Variants in PDE11A observed in about 807,000 individuals in gnomAD.
PDE11A encodes the protein dual 3',5'-cyclic-AMP and -GMP phosphodiesterase 11A.
PDE11A carries 100 observed loss-of-function variants against 100.5 expected under a neutral mutation model. The ratio of observed to expected loss-of-function variants is 1.00; its 90% CI spans 0.85 to 1.18. The LOEUF (loss-of-function observed/expected upper bound fraction) is 1.18, where lower values mean the gene tolerates loss of function less well. Ranked by LOEUF, PDE11A falls within the 50% of genes most tolerant of loss-of-function variation. The probability of loss-of-function intolerance (pLI) is 0.00; values close to 1 mark genes in which losing one functional copy is unlikely to be tolerated. For synonymous variants in PDE11A, 381 were observed against 420.8 expected (o/e 0.91, Z 1.16); for missense variants, 1,141 against 1,152.6 (o/e 0.99, Z 0.15).
chr2:177,652,174 T>A (rs2080320859), intron 19 of PDE11A, among the ~76,000 whole-genome samples: 1 of 152,222 alleles, frequency 6.6e-6, no homozygotes, highest in Admixed American at 6.5e-5. Context: ...GTTGGTAGAT[T>A]CAGCTGTGCT....
intron 2 of PDE11A, among the ~76,000 whole-genome samples, chr2:177,937,803 C>T (rs1273732354): frequency 6.6e-6 from 1 of 152,120 alleles, no homozygotes; most frequent in African/African-American, 2.4e-5. Flanking sequence ...TCATCTGTCA[C>T]TCAATACAAG....
intron 2 of PDE11A, among the ~76,000 whole-genome samples, chr2:177,939,287 T>G (rs1007977197): frequency 1.4e-5 from 2 of 141,198 alleles, no homozygotes; most frequent in Non-Finnish European, 3.1e-5. Context: ...CTACAACTAA[T>G]AAAGCCATAT....
At chr2:177,647,325 A>G (rs2080236705) in intron 19 of PDE11A, among the ~76,000 whole-genome samples, 1 of 152,232 alleles carries the variant, frequency 6.6e-6, no homozygotes. Context: ...AGGATTTCCT[A>G]AAATAATGGA....
chr2:177,861,743 G>C (rs150058186), intron 5 of PDE11A, among the ~76,000 whole-genome samples: 15 of 152,062 alleles, frequency 9.9e-5, no homozygotes, highest in African/African-American at 3.4e-4. Context: ...ATGGAGTAGA[G>C]TTGAGAGTCT....
intron 2 of PDE11A, among the ~76,000 whole-genome samples, chr2:177,977,795 G>A (rs2085829422): frequency 6.9e-6 from 1 of 144,606 alleles, no homozygotes; most frequent in African/African-American, 2.5e-5. Flanking sequence ...TCTGATCTTT[G>A]ACAAACCTGA....
chr2:177,796,846 CAACT>C (rs2082714490), intron 9 of PDE11A, among the ~76,000 whole-genome samples: 1 of 152,168 alleles, frequency 6.6e-6, no homozygotes, highest in Non-Finnish European at 1.5e-5. Context: ...TGACCTGAGT[CAACT>C]AACTTAGACT....
At chr2:177,807,426 T>A (rs1464735032) in intron 9 of PDE11A, among the ~76,000 whole-genome samples, 1 of 152,108 alleles carries the variant, frequency 6.6e-6, no homozygotes, top group African/African-American at 2.4e-5. Context: ...TTATTTTATT[T>A]TATTTTATTT....
chr2:177,698,854 A>T (rs896970736), intron 14 of PDE11A, among the ~76,000 whole-genome samples: 2 of 152,168 alleles, frequency 1.3e-5, no homozygotes, highest in African/African-American at 4.8e-5. Context: ...TGCATTACCC[A>T]ATGATCAATC....
chr2:177,680,539 C>T (rs187780670), intron 16 of PDE11A, among the ~76,000 whole-genome samples: 1 of 152,192 alleles, frequency 6.6e-6, no homozygotes, highest in East Asian at 1.9e-4. Context: ...CAACTTGCAC[C>T]CCCACTTCCC....
rs547277579 is a variant in PDE11A, at chr2:177,805,989, C to A, written c.1737+10840G>T. Among the ~76,000 whole-genome samples the A allele has an allele frequency of 1.1e-3, 168 of 152,216 alleles. 1 individual carries two copies. Among genetic ancestry groups the A allele is most frequent in the African/African-American group, 3.6e-3 (148 of 41,552 alleles). On this transcript the variant is annotated intron_variant, in intron 9 of 19. Transcript: ENST00000286063. ...CAGTGACTGCTTCCATATCTGGGACCAATTGGTTACATAGTGGAGAGATGA... is the reference window on the plus strand; with the variant it reads ...CAGTGACTGCTTCCATATCTGGGACAAATTGGTTACATAGTGGAGAGATGA...
At chr2:178,028,119 T>C (rs1214878209) in intron 1 of PDE11A, among the ~76,000 whole-genome samples, 1 of 152,080 alleles carries the variant, frequency 6.6e-6, no homozygotes, top group Non-Finnish European at 1.5e-5. Context: ...TCCCTGGAGC[T>C]GGTTGGTTCC....
chr2:177,791,565 T>A, intron 9 of PDE11A, among the ~76,000 whole-genome samples: 1 of 151,378 alleles, frequency 6.6e-6, no homozygotes, highest in African/African-American at 2.4e-5. Flanking sequence ...GTGTTTAAAG[T>A]CAGAGCAAAT....
At chr2:177,673,223 G>T (rs531420630) in intron 17 of PDE11A, among the ~76,000 whole-genome samples, 6 of 152,248 alleles carry the variant, frequency 3.9e-5, no homozygotes, top group African/African-American at 9.6e-5. Flanking sequence ...CCAAAGAAAC[G>T]CTAAGCCCAT....
intron 4 of PDE11A, among the ~76,000 whole-genome samples, chr2:177,889,970 G>A (rs540502426): frequency 6.6e-6 from 1 of 152,108 alleles, no homozygotes; most frequent in South Asian, 2.1e-4. Flanking sequence ...TCTTTGTTGT[G>A]TGTTAGTGTT....
chr2:177,824,639 T>C (rs991213842), intron 6 of PDE11A, among the ~76,000 whole-genome samples: 57 of 152,208 alleles, frequency 3.7e-4, no homozygotes, highest in African/African-American at 1.3e-3. Flanking sequence ...ATCAAAGCTA[T>C]GCACAAAGCT....
chr2:178,073,287 G>A (rs1045731707), upstream of PDE11A, among the ~76,000 whole-genome samples: 2 of 152,178 alleles, frequency 1.3e-5, no homozygotes, highest in Non-Finnish European at 2.9e-5. Flanking sequence ...CGCCTTGTGG[G>A]TGCTCAGTAA....
intron 12 of PDE11A, among the ~76,000 whole-genome samples, chr2:177,725,238 G>A (rs2081583517): frequency 6.6e-6 from 1 of 152,064 alleles, no homozygotes; most frequent in Admixed American, 6.6e-5. Flanking sequence ...TGTTACTTCT[G>A]TAATTATTTT....
chr2:177,908,687 T>C (rs1221369773), intron 2 of PDE11A, among the ~76,000 whole-genome samples: 2 of 152,088 alleles, frequency 1.3e-5, no homozygotes, highest in African/African-American at 2.4e-5. Context: ...GGAAAATGAA[T>C]CAGGGACCAG....
chr2:177,899,886 G>C (rs1375267227), intron 3 of PDE11A, among the ~76,000 whole-genome samples: 1 of 151,154 alleles, frequency 6.6e-6, no homozygotes, highest in Non-Finnish European at 1.5e-5. Flanking sequence ...TATATATCAG[G>C]AAAGAAAACA....
Sources: allele counts gnomAD v4.1 joint callset (sites outside exome capture counted in the v4.1 genomes callset), GRCh38; gene constraint gnomAD v4.1.1; transcripts MANE v1.5; gene names NCBI Gene and HGNC (gene_info 2026-07-23, HGNC 2026-07-21).